Variants in NFIA observed in about 807,000 individuals in gnomAD.
The protein encoded by NFIA is nuclear factor I A, also known as nuclear factor 1 A-type.
NFIA carries 8 observed loss-of-function variants against 62.8 expected under a neutral mutation model. The observed-to-expected ratio is 0.13, with a 90% CI of 0.07 to 0.23. The LOEUF is 0.23. NFIA is among the 10% of genes least tolerant of loss of function. The pLI is 1.00. For synonymous variants in NFIA, 235 were observed against 238.1 expected, an observed-to-expected ratio of 0.99 and a Z score of 0.12; for missense variants, 410 against 642.1, an observed-to-expected ratio of 0.64 and a Z score of 3.91.
chr1:61,099,050 A>T (rs1042985243), intron 2 of NFIA, among the ~76,000 whole-genome samples: 5 of 152,260 alleles, frequency 3.3e-5, no homozygotes, highest in Non-Finnish European at 7.3e-5. Flanking sequence ...GACGACAAAC[A>T]TGCAAAATGG....
intron 8 of NFIA, 92 bp from the exon 9 acceptor site, chr1:61,406,470 G>GATGAATA (rs1167347060): frequency 9.4e-7 from 1 of 1,058,874 alleles, no homozygotes; most frequent in Non-Finnish European, 1.4e-6. Flanking sequence ...AAAGGTGCCT[G>GATGAATA]ATGAATATTT....
intron 2 of NFIA, among the ~76,000 whole-genome samples, chr1:61,201,477 G>T (rs2100590150): frequency 6.6e-6 from 1 of 151,032 alleles, no homozygotes; most frequent in East Asian, 1.9e-4. Context: ...ACTTTAAAAA[G>T]TGTCTTGTCA....
At position 61,205,901 on chromosome 1, in the gene NFIA, C is replaced by CTTTT. The variant is rs199804398; in HGVS notation, c.560-71593_560-71590dup. 2.9e-4 allele frequency among the ~76,000 whole-genome samples: 36 copies of CTTTT among 122,530 alleles called. 3 individuals are homozygous for CTTTT. The highest frequency in any genetic ancestry group is 8.2e-4 in the African/African-American group (26 of 31,836). The allele number at this position is 122,530 out of a possible 152,430, so 80.4% of individuals were successfully genotyped here. A position where few individuals can be genotyped will look rare whatever the true frequency, so the allele number is the denominator to read the frequency against. On this transcript the variant is annotated intron_variant, in intron 2 of 10. Transcript: ENST00000403491. ...GTTTTACTCTTTTTATTTTGCAGCC[C>CTTTT]TTTTTTTTTTTTTTTTTTTTTTTTT...
chr1:61,346,894 A>G (rs1203577124), intron 4 of NFIA, among the ~76,000 whole-genome samples: 1 of 152,208 alleles, frequency 6.6e-6, no homozygotes, highest in Non-Finnish European at 1.5e-5. Flanking sequence ...GGGCAGCAGG[A>G]GAGAGAATCG....
intron 2 of NFIA, among the ~76,000 whole-genome samples, chr1:61,113,064 G>A (rs1399603127): frequency 6.6e-6 from 1 of 152,012 alleles, no homozygotes; most frequent in Non-Finnish European, 1.5e-5. Context: ...TACGTCTTTT[G>A]AAAACATTTT....
intron 4 of NFIA, among the ~76,000 whole-genome samples, chr1:61,339,562 C>G (rs1430798462): frequency 2.0e-5 from 3 of 152,128 alleles, no homozygotes; most frequent in Non-Finnish European, 4.4e-5. Flanking sequence ...ATTCAGCCAG[C>G]TTCCTCTACT....
chr1:61,285,596 G>A (rs1048431167), intron 3 of NFIA, among the ~76,000 whole-genome samples: 15 of 152,046 alleles, frequency 9.9e-5, no homozygotes, highest in Non-Finnish European at 2.1e-4. Flanking sequence ...GTTTTACTCA[G>A]CTCCAGGCAA....
intron 2 of NFIA, among the ~76,000 whole-genome samples, chr1:61,239,273 T>C (rs1655191428): frequency 6.6e-6 from 1 of 152,196 alleles, no homozygotes; most frequent in Admixed American, 6.5e-5. Context: ...TTGCGTGGTT[T>C]TAATGCAGAT....
chr1:61,257,861 GTTT>G (rs58077067), intron 2 of NFIA, among the ~76,000 whole-genome samples: 2 of 126,468 alleles, frequency 1.6e-5, no homozygotes, highest in Non-Finnish European at 3.3e-5. Flanking sequence ...ATGCTTAGCT[GTTT>G]TTTTTTTTTT....
intron 2 of NFIA, among the ~76,000 whole-genome samples, chr1:61,204,062 G>T (rs548823703): frequency 1.3e-5 from 2 of 152,170 alleles, no homozygotes; most frequent in Non-Finnish European, 2.9e-5. Context: ...TGTAAATTCC[G>T]TGGGATGTAT....
chr1:61,164,486 G>C (rs1229030936), intron 2 of NFIA, among the ~76,000 whole-genome samples: 1 of 152,002 alleles, frequency 6.6e-6, no homozygotes. Flanking sequence ...TGGAGATGGA[G>C]TATTGCTCTG....
intron 2 of NFIA, among the ~76,000 whole-genome samples, chr1:61,140,425 T>A (rs1647421879): frequency 6.6e-6 from 1 of 151,910 alleles, no homozygotes; most frequent in African/African-American, 2.4e-5. Flanking sequence ...CCAATTTACA[T>A]TATAAAATGC....
At chr1:61,292,808 T>C (rs1237794114) in intron 3 of NFIA, among the ~76,000 whole-genome samples, 1 of 152,236 alleles carries the variant, frequency 6.6e-6, no homozygotes, top group Non-Finnish European at 1.5e-5. Flanking sequence ...TGAGGAAATC[T>C]AAAGCCTATC....
At chr1:61,224,388 C>T (rs975730342) in intron 2 of NFIA, among the ~76,000 whole-genome samples, 3 of 151,910 alleles carry the variant, frequency 2.0e-5, no homozygotes, top group Non-Finnish European at 2.9e-5. Context: ...AGTCATGACG[C>T]ACATTAATAT....
intron 2 of NFIA, among the ~76,000 whole-genome samples, chr1:61,184,274 C>T (rs1557620947): frequency 6.6e-6 from 1 of 152,240 alleles, no homozygotes; most frequent in Non-Finnish European, 1.5e-5. Flanking sequence ...CGTTCCGCTC[C>T]TTACATGGCG....
intron 7 of NFIA, among the ~76,000 whole-genome samples, chr1:61,402,016 A>AAGT (rs2100517463): frequency 6.9e-6 from 1 of 145,790 alleles, no homozygotes; most frequent in African/African-American, 2.5e-5. Context: ...AGGAAGTCCT[A>AAGT]AGTTTTACTC....
chr1:61,353,444 C>T (rs1278300652), intron 5 of NFIA, among the ~76,000 whole-genome samples: 2 of 152,168 alleles, frequency 1.3e-5, no homozygotes, highest in Admixed American at 6.5e-5. Context: ...AGGCATTAAA[C>T]CCACAGTATT....
intron 2 of NFIA, among the ~76,000 whole-genome samples, chr1:61,112,493 T>C (rs1646712830): frequency 6.6e-6 from 1 of 152,198 alleles, no homozygotes; most frequent in South Asian, 2.1e-4. Context: ...CTGTCATTTA[T>C]TGATGGTCAA....
At chr1:61,386,458 C>T (rs182005994) in intron 7 of NFIA, among the ~76,000 whole-genome samples, 237 of 152,300 alleles carry the variant, frequency 1.6e-3, no homozygotes, top group African/African-American at 5.4e-3. Context: ...ATTGACTGCT[C>T]TCTGGTTAGC....
Sources: gnomAD v4.1 joint callset for allele counts (sites outside exome capture counted in the v4.1 genomes callset) on GRCh38, gnomAD v4.1.1 for gene constraint, MANE v1.5 for transcripts, NCBI Gene and HGNC (gene_info 2026-07-23, HGNC 2026-07-21) for gene names.